MINDY2: variants seen among roughly 807,000 people sequenced by gnomAD.
The protein encoded by MINDY2 is MINDY lysine 48 deubiquitinase 2, also known as ubiquitin carboxyl-terminal hydrolase MINDY-2.
MINDY2 carries 52 observed loss-of-function variants against 68.2 expected under a neutral mutation model. That is an observed-to-expected ratio of 0.76 (90% CI 0.61 to 0.96). The LOEUF (loss-of-function observed/expected upper bound fraction) is 0.96. Ranked by LOEUF, MINDY2 falls within the 40% of genes least tolerant of loss-of-function variation. The pLI is 0.00. For synonymous variants in MINDY2, 372 were observed against 303.0 expected (o/e 1.23, Z -2.36); for missense variants, 881 against 773.4 (o/e 1.14, Z -1.65).
At position 58,835,702 on chromosome 15, in the gene MINDY2, G is replaced by A. The variant is rs542357383; in HGVS notation, c.1368+3786G>A. 7.9e-5 allele frequency among the ~76,000 whole-genome samples: 12 copies of A among 152,182 alleles called. No homozygotes were observed. The East Asian group carries it at 1.7e-3, about 22-fold the overall frequency. On this transcript the variant is annotated intron_variant, in intron 6 of 8. Coordinates refer to ENST00000559228, the MANE Select transcript of MINDY2 (RefSeq NM_001040450.3). ...AAAAATAAAATGATACCTAAAAAGT[G>A]AATCTTCTAGTTTAATCAGTTGGCC... is the stretch of plus-strand genomic sequence containing the variant.
intron 5 of MINDY2, among the ~76,000 whole-genome samples, chr15:58,824,799 A>G (rs1204136035): frequency 6.7e-6 from 1 of 150,140 alleles, no homozygotes; most frequent in East Asian, 2.0e-4. Context: ...CCTCCTGAGT[A>G]GCTGGGACTA....
chr15:58,841,281 C>G (rs1344951035), intron 6 of MINDY2, among the ~76,000 whole-genome samples: 2 of 151,928 alleles, frequency 1.3e-5, no homozygotes, highest in Non-Finnish European at 2.9e-5. Flanking sequence ...CTGCACTGAG[C>G]CAACTTCATG....
rs1247362730 is a variant in MINDY2, at chr15:58,831,039, G to GTATATATATA, written c.1226-734_1226-733insATATATATAT. Among the ~76,000 whole-genome samples the GTATATATATA allele has an allele frequency of 7.6e-3, 829 of 109,498 alleles. 12 individuals carry two copies. The highest frequency in any genetic ancestry group is 0.024 in the African/African-American group (583 of 24,722). 71.8% of individuals were successfully genotyped at this position (109,498 alleles called of 152,430 possible). A position where few individuals can be genotyped will look rare whatever the true frequency, so the allele number is the denominator to read the frequency against. Reference sequence around the variant, plus strand: ...GTTGTGTGTGTGTGTGTGTGTGTGTGTGTATATATATATATATATATGTTT... The same window carrying GTATATATATA: ...GTTGTGTGTGTGTGTGTGTGTGTGTGTATATATATATGTATATATATATATATATATGTTT... On this transcript the variant is annotated intron_variant, in intron 5 of 8. Transcript: ENST00000559228.
intron 2 of MINDY2, among the ~76,000 whole-genome samples, chr15:58,794,358 G>GGGGT (rs1555429190): frequency 0.015 from 2,146 of 139,178 alleles, 164 homozygotes; most frequent in Admixed American, 0.13. Context: ...TTTTTTTTGG[G>GGGGT]GTGTGTGTGT....
intron 1 of MINDY2, among the ~76,000 whole-genome samples, chr15:58,783,435 T>G (rs1471917396): frequency 6.6e-6 from 1 of 152,184 alleles, no homozygotes; most frequent in East Asian, 1.9e-4. Context: ...TTCTTATTTC[T>G]TAGTTATTGC....
At chr15:58,851,514 C>T (rs2032812208) in intron 7 of MINDY2, among the ~76,000 whole-genome samples, 1 of 151,732 alleles carries the variant, frequency 6.6e-6, no homozygotes, top group Non-Finnish European at 1.5e-5. Context: ...TCATAACTCA[C>T]TGTAACCTCA....
chr15:58,860,069 C>T lies in MINDY2; in HGVS notation c.*5459C>T, dbSNP rs1595795983. 6.6e-6 allele frequency: 1 copy of T among 152,138 alleles called. No homozygotes were observed. The highest frequency in any genetic ancestry group is 1.5e-5 in the Non-Finnish European group (1 of 68,048). The allele number at this position is 152,138 out of a possible 1,614,324, so 9.4% of individuals were successfully genotyped here. A position where few individuals can be genotyped will look rare whatever the true frequency, so the allele number is the denominator to read the frequency against. ...TAGACTTCTTCTTCTGCCATTAAGT[C>T]TCTCTTTATCTGATATTCTAAGGAT... On this transcript the variant is annotated 3_prime_UTR_variant, in exon 9 of 9. Coordinates refer to ENST00000559228, the MANE Select transcript of MINDY2 (RefSeq NM_001040450.3).
chr15:58,804,119 AAGGAGG>A (rs1163556383), intron 3 of MINDY2, among the ~76,000 whole-genome samples: 2 of 151,890 alleles, frequency 1.3e-5, no homozygotes, highest in Non-Finnish European at 2.9e-5. Context: ...ACAAAAAAAA[AAGGAGG>A]AGGAGGAGAA....
At chr15:58,787,997 C>G (rs1371023777) in intron 2 of MINDY2, 34 bp downstream of exon 2, 1 of 1,489,844 alleles carries the variant, frequency 6.7e-7, no homozygotes, top group East Asian at 2.3e-5. Flanking sequence ...ATATCTCTTT[C>G]AAAACAAAAG....
intron 6 of MINDY2, among the ~76,000 whole-genome samples, chr15:58,846,127 G>C (rs967760344): frequency 2.0e-5 from 3 of 151,446 alleles, no homozygotes; most frequent in Non-Finnish European, 4.4e-5. Flanking sequence ...GAATGATTGA[G>C]ACCTAGCATT....
chr15:58,785,579 T>C (rs981994066), intron 1 of MINDY2, among the ~76,000 whole-genome samples: 12 of 152,270 alleles, frequency 7.9e-5, no homozygotes, highest in African/African-American at 2.6e-4. Context: ...TCGACAGTAA[T>C]TTGCCGGAGT....
intron 3 of MINDY2, among the ~76,000 whole-genome samples, chr15:58,808,182 G>C (rs2029949127): frequency 6.6e-6 from 1 of 152,100 alleles, no homozygotes. Flanking sequence ...TCCCGCATCA[G>C]AGTGGTTCAT....
chr15:58,788,944 G>A (rs1373775580), intron 2 of MINDY2, among the ~76,000 whole-genome samples: 1 of 152,080 alleles, frequency 6.6e-6, no homozygotes, highest in African/African-American at 2.4e-5. Context: ...CTCAAGAGGT[G>A]GAGGTTACAG....
At chr15:58,804,721 C>A (rs567320808) in intron 3 of MINDY2, among the ~76,000 whole-genome samples, 10 of 151,942 alleles carry the variant, frequency 6.6e-5, no homozygotes, top group African/African-American at 2.4e-4. Flanking sequence ...GTCAGAGGAT[C>A]GCTTGAGCCC....
chr15:58,843,180 C>T (rs1042575494), intron 6 of MINDY2, among the ~76,000 whole-genome samples: 1 of 152,084 alleles, frequency 6.6e-6, no homozygotes, highest in Non-Finnish European at 1.5e-5. Flanking sequence ...GACAGAGTCT[C>T]GCTCTGTCGC....
chr15:58,850,890 C>T (rs934701672), intron 7 of MINDY2, among the ~76,000 whole-genome samples: 28 of 151,770 alleles, frequency 1.8e-4, no homozygotes, highest in East Asian at 3.9e-4. Context: ...CCTGGCTCCC[C>T]GCTACTTTTT....
At position 58,775,278 on chromosome 15, in the gene MINDY2, T is replaced by C. The variant is rs115831537; in HGVS notation, c.840+3043T>C. 6.2e-3 allele frequency among the ~76,000 whole-genome samples: 943 copies of C among 152,290 alleles called. 16 individuals are homozygous for C. Among genetic ancestry groups the C allele is most frequent in the African/African-American group, 0.022 (900 of 41,562 alleles). ...TAGATATCCACATAGATGAAAGTTA[T>C]TGGGGGTCCTCAATCATTTTTAAGA... On this transcript the variant is annotated intron_variant, in intron 1 of 8. Transcript: ENST00000559228.
chr15:58,787,948 C>A lies in MINDY2; in HGVS notation c.883C>A (p.Leu295Met). The A allele has an allele frequency of 6.3e-7, 1 of 1,589,536 alleles. No homozygotes were observed. Among genetic ancestry groups the A allele is most frequent in the South Asian group, 1.2e-5 (1 of 85,476 alleles). Residue 295 changes from leucine (L) to methionine (M), a missense_variant, in exon 2 of 9, where the codon CTG becomes ATG. Coordinates refer to ENST00000559228, the MANE Select transcript of MINDY2 (RefSeq NM_001040450.3). Reference sequence around the variant, plus strand: ...GATGGAAATCATAACTGCTGAGCAGCTGATGGAATATTTAGGTTAGTGTTG... The same window carrying A: ...GATGGAAATCATAACTGCTGAGCAGATGATGGAATATTTAGGTTAGTGTTG... The part of the protein sequence containing the change: ...PMMEIITAEQ[L>M]MEYLGDYMLD...
At chr15:58,798,768 T>C (rs1567048210) in intron 2 of MINDY2, among the ~76,000 whole-genome samples, 2 of 152,206 alleles carry the variant, frequency 1.3e-5, no homozygotes, top group Non-Finnish European at 1.5e-5. Flanking sequence ...CCAGTAAATA[T>C]TCACTGAGCA....
Sources: gnomAD v4.1 joint callset for allele counts (sites outside exome capture counted in the v4.1 genomes callset) on GRCh38, gnomAD v4.1.1 for gene constraint, MANE v1.5 for transcripts, NCBI Gene and HGNC (gene_info 2026-07-23, HGNC 2026-07-21) for gene names.